EEIG2: variants seen among roughly 807,000 people sequenced by gnomAD.
The protein encoded by EEIG2 is family with sequence similarity 102 member B.
At chr1:108,588,302 G>A in the EEIG2 span, among the ~76,000 whole-genome samples, 1 of 152,070 alleles carries the variant, frequency 6.6e-6, no homozygotes. Flanking sequence ...TTTCCAAACT[G>A]TACCAATTGG....
chr1:108,590,543 C>T, the EEIG2 span, among the ~76,000 whole-genome samples: 1 of 152,174 alleles, frequency 6.6e-6, no homozygotes, highest in Non-Finnish European at 1.5e-5. Flanking sequence ...CCCAAATTCC[C>T]ATGAGTTGTA....
At chr1:108,564,190 AGTT>A in the EEIG2 span, among the ~76,000 whole-genome samples, 1 of 150,426 alleles carries the variant, frequency 6.6e-6, no homozygotes, top group Non-Finnish European at 1.5e-5. Flanking sequence ...TCTTGAACTG[AGTT>A]GTTGTGTGGT....
At chr1:108,615,126 T>C in the EEIG2 span, among the ~76,000 whole-genome samples, 581 of 152,350 alleles carry the variant, frequency 3.8e-3, 3 homozygotes, top group Non-Finnish European at 6.9e-3. Context: ...ACAATGTACA[T>C]ATTCTTGTAT....
chr1:108,586,314 GGTGTGTGTGTGTGTGTGT>G, the EEIG2 span, among the ~76,000 whole-genome samples: 592 of 148,098 alleles, frequency 4.0e-3, 3 homozygotes, highest in Admixed American at 8.8e-3. Flanking sequence ...TACGCAGAGG[GGTGTGTGTGTGTGTGTGT>G]GTGTGTGTGT....
chr1:108,585,567 A>G, the EEIG2 span, among the ~76,000 whole-genome samples: 1 of 152,224 alleles, frequency 6.6e-6, no homozygotes, highest in Non-Finnish European at 1.5e-5. Flanking sequence ...TATGCTCACT[A>G]CAGTCCTTTT....
chr1:108,615,766 C>G, the EEIG2 span, among the ~76,000 whole-genome samples: 1 of 147,938 alleles, frequency 6.8e-6, no homozygotes, highest in African/African-American at 2.5e-5. Context: ...GGTGACAAAG[C>G]AAGACCTTAT....
At chr1:108,623,171 C>T in the EEIG2 span, among the ~76,000 whole-genome samples, 2 of 151,966 alleles carry the variant, frequency 1.3e-5, no homozygotes, top group Non-Finnish European at 2.9e-5. Context: ...ATTTGTTGCA[C>T]GTTTTAAAAT....
chr1:108,630,240 G>A, the EEIG2 span, among the ~76,000 whole-genome samples: 1 of 152,216 alleles, frequency 6.6e-6, no homozygotes, highest in Non-Finnish European at 1.5e-5. Flanking sequence ...AACTTAAGCT[G>A]CTGTTAACCT....
chr1:108,573,169 G>A, the EEIG2 span, among the ~76,000 whole-genome samples: 24 of 152,236 alleles, frequency 1.6e-4, no homozygotes, highest in African/African-American at 5.5e-4. Context: ...CATCTTTAAA[G>A]GCTTCCACAG....
At chr1:108,560,406 C>T in the EEIG2 span, 1 of 1,572,208 alleles carries the variant, frequency 6.4e-7, no homozygotes, top group Non-Finnish European at 8.6e-7. Context: ...GTGCGCCCAG[C>T]TTGCAGGCGC....
At chr1:108,625,809 TGTGTGTGTGTGTG>T in the EEIG2 span, 73,718 of 142,408 alleles carry the variant, frequency 0.52, 20,110 homozygotes, top group East Asian at 0.64. Context: ...TGTGTGTGTG[TGTGTGTGTGTGTG>T]TGTGTGGAGA....
chr1:108,608,082 C>T, the EEIG2 span, among the ~76,000 whole-genome samples: 1 of 152,178 alleles, frequency 6.6e-6, no homozygotes, highest in Non-Finnish European at 1.5e-5. Flanking sequence ...TGCACATGAA[C>T]ACACAAGTAA....
the EEIG2 span, chr1:108,616,414 C>T: frequency 6.3e-7 from 1 of 1,597,454 alleles, no homozygotes; most frequent in South Asian, 1.1e-5. Context: ...TGTCTGGTGA[C>T]CCATGTTTTA....
the EEIG2 span, among the ~76,000 whole-genome samples, chr1:108,562,460 A>G: frequency 6.6e-6 from 1 of 152,208 alleles, no homozygotes; most frequent in Non-Finnish European, 1.5e-5. Flanking sequence ...CCAAAAAGCC[A>G]TATAGTATGG....
the EEIG2 span, among the ~76,000 whole-genome samples, chr1:108,584,545 A>G: frequency 6.6e-6 from 1 of 152,204 alleles, no homozygotes; most frequent in African/African-American, 2.4e-5. Flanking sequence ...CTAGCATAGC[A>G]TAAGAATAAA....
the EEIG2 span, chr1:108,625,774 C>CTCTCTG: frequency 3.9e-4 from 9 of 23,218 alleles, no homozygotes; most frequent in African/African-American, 5.9e-4. Context: ...CTCTCTCTCT[C>CTCTCTG]TGTGTGTGTG....
At chr1:108,624,355 G>T in the EEIG2 span, among the ~76,000 whole-genome samples, 1 of 150,788 alleles carries the variant, frequency 6.6e-6, no homozygotes, top group Non-Finnish European at 1.5e-5. Flanking sequence ...ACCCTCCCTT[G>T]ACCAGTGCTG....
the EEIG2 span, among the ~76,000 whole-genome samples, chr1:108,617,575 G>C: frequency 2.0e-5 from 3 of 152,274 alleles, no homozygotes; most frequent in Admixed American, 2.0e-4. Flanking sequence ...GGAGATAGAA[G>C]TTTGGAAATT....
At chr1:108,602,663 T>C in the EEIG2 span, among the ~76,000 whole-genome samples, 1 of 152,022 alleles carries the variant, frequency 6.6e-6, no homozygotes, top group African/African-American at 2.4e-5. Flanking sequence ...GCAGATTGCT[T>C]GAGCCCAGGA....
Sources: gnomAD v4.1 joint callset for allele counts (sites outside exome capture counted in the v4.1 genomes callset) on GRCh38, gnomAD v4.1.1 for gene constraint, MANE v1.5 for transcripts, NCBI Gene and HGNC (gene_info 2026-07-23, HGNC 2026-07-21) for gene names.